Variants in TASP1 observed in about 807,000 individuals in gnomAD.
TASP1 encodes threonine aspartase 1.
TASP1 carries 16 observed loss-of-function variants against 56.6 expected under a neutral mutation model. The observed-to-expected ratio is 0.28, with a 90% CI of 0.19 to 0.43. The LOEUF is 0.43. TASP1 is among the 20% of genes least tolerant of loss of function. The pLI is 1.00. For missense variants in TASP1, 393 were observed against 511.6 expected, an observed-to-expected ratio of 0.77 and a Z score of 2.24; for synonymous variants, 179 against 184.2, an observed-to-expected ratio of 0.97 and a Z score of 0.23.
chr20:13,425,688 T>C (rs972045387), intron 12 of TASP1, among the ~76,000 whole-genome samples: 1 of 152,200 alleles, frequency 6.6e-6, no homozygotes, highest in African/African-American at 2.4e-5. Context: ...TTACTCCTTA[T>C]TGAATAAAGA....
chr20:13,601,773 G>A (rs542276537), intron 4 of TASP1, among the ~76,000 whole-genome samples: 245 of 151,178 alleles, frequency 1.6e-3, no homozygotes, highest in Admixed American at 2.8e-3. Flanking sequence ...CATCAACAGC[G>A]ATAAGTCATG....
intron 4 of TASP1, among the ~76,000 whole-genome samples, chr20:13,588,152 G>A (rs991812008): frequency 6.6e-6 from 1 of 151,456 alleles, no homozygotes. Context: ...CCTAAGATCA[G>A]GAACAAGACA....
At chr20:13,269,854 G>A in the TASP1 span, among the ~76,000 whole-genome samples, 1 of 152,066 alleles carries the variant, frequency 6.6e-6, no homozygotes, top group African/African-American at 2.4e-5. Context: ...TAGGTCTCAT[G>A]TCTATCCTGT....
At chr20:13,203,643 G>A in the TASP1 span, among the ~76,000 whole-genome samples, 2 of 152,198 alleles carry the variant, frequency 1.3e-5, no homozygotes, top group Non-Finnish European at 2.9e-5. Flanking sequence ...ATGGTCAATA[G>A]CTGCATTTTT....
chr20:13,271,254 C>T, the TASP1 span, among the ~76,000 whole-genome samples: 2 of 152,090 alleles, frequency 1.3e-5, no homozygotes, highest in Non-Finnish European at 2.9e-5. Flanking sequence ...GACAAGCTTC[C>T]GTTACTCTAA....
At chr20:13,224,960 C>T in the TASP1 span, among the ~76,000 whole-genome samples, 2 of 151,204 alleles carry the variant, frequency 1.3e-5, no homozygotes, top group African/African-American at 4.9e-5. Flanking sequence ...ATTCTCCTGC[C>T]TCAGCCTCCC....
At chr20:13,312,326 C>T in the TASP1 span, among the ~76,000 whole-genome samples, 1 of 152,110 alleles carries the variant, frequency 6.6e-6, no homozygotes, top group African/African-American at 2.4e-5. Flanking sequence ...TGTATGTGGC[C>T]GTGATGGGTT....
chr20:13,163,833 C>T, the TASP1 span, among the ~76,000 whole-genome samples: 3 of 152,124 alleles, frequency 2.0e-5, no homozygotes, highest in Admixed American at 2.0e-4. Flanking sequence ...AAAACAGGCT[C>T]AGAAAGGTTA....
At chr20:13,349,852 G>A in the TASP1 span, among the ~76,000 whole-genome samples, 1 of 151,928 alleles carries the variant, frequency 6.6e-6, no homozygotes, top group Non-Finnish European at 1.5e-5. Context: ...AAAATAATAC[G>A]GTTTAAAAAT....
At chr20:13,421,973 A>ATTT (rs2042453461) in intron 12 of TASP1, among the ~76,000 whole-genome samples, 1 of 116,116 alleles carries the variant, frequency 8.6e-6, no homozygotes, top group African/African-American at 3.9e-5. Context: ...TTTTTTTTTG[A>ATTT]CAGAGTCTCG....
At chr20:13,127,232 C>T in the TASP1 span, among the ~76,000 whole-genome samples, 1 of 152,222 alleles carries the variant, frequency 6.6e-6, no homozygotes, top group Non-Finnish European at 1.5e-5. Flanking sequence ...AACTGTGCTA[C>T]TTTGCTCAAC....
the TASP1 span, among the ~76,000 whole-genome samples, chr20:13,256,410 A>G: frequency 6.6e-6 from 1 of 151,648 alleles, no homozygotes; most frequent in East Asian, 1.9e-4. Context: ...AAAAAAAAAA[A>G]AAAAAAAAGA....
At chr20:13,392,481 C>T (rs182968829) in intron 13 of TASP1, among the ~76,000 whole-genome samples, 112 of 152,334 alleles carry the variant, frequency 7.4e-4, no homozygotes, top group Non-Finnish European at 7.3e-4. Flanking sequence ...AGCTTTGTTA[C>T]ATACATCTCA....
chr20:13,106,697 G>T, the TASP1 span, among the ~76,000 whole-genome samples: 1 of 152,196 alleles, frequency 6.6e-6, no homozygotes, highest in Non-Finnish European at 1.5e-5. Flanking sequence ...GGCTGCAGGT[G>T]AGCTGGGGTA....
intron 8 of TASP1, among the ~76,000 whole-genome samples, chr20:13,552,167 GTAT>G (rs1340889404): frequency 2.6e-5 from 4 of 152,152 alleles, no homozygotes; most frequent in Non-Finnish European, 5.9e-5. Context: ...AATTACCATG[GTAT>G]TATTAACTCT....
intron 6 of TASP1, among the ~76,000 whole-genome samples, chr20:13,569,947 G>A (rs1485043286): frequency 1.3e-5 from 2 of 152,096 alleles, no homozygotes; most frequent in Non-Finnish European, 2.9e-5. Flanking sequence ...CAAATTAACA[G>A]TTTACAATTA....
At chr20:13,496,301 C>T (rs930693947) in intron 10 of TASP1, among the ~76,000 whole-genome samples, 4 of 152,096 alleles carry the variant, frequency 2.6e-5, no homozygotes, top group African/African-American at 7.2e-5. Flanking sequence ...GTGATCCACC[C>T]GCCTTGGCCT....
chr20:13,282,670 C>T, the TASP1 span, among the ~76,000 whole-genome samples: 1 of 152,180 alleles, frequency 6.6e-6, no homozygotes, highest in Admixed American at 6.5e-5. Flanking sequence ...AGTATCTTCC[C>T]CATCATTAGA....
intron 11 of TASP1, among the ~76,000 whole-genome samples, chr20:13,453,985 G>A (rs2043729461): frequency 6.6e-6 from 1 of 151,768 alleles, no homozygotes; most frequent in Admixed American, 6.6e-5. Context: ...GATGAAGGTT[G>A]GAAAGAAGGA....
Sources: gnomAD v4.1 joint callset for allele counts (sites outside exome capture counted in the v4.1 genomes callset) on GRCh38, gnomAD v4.1.1 for gene constraint, MANE v1.5 for transcripts, NCBI Gene and HGNC (gene_info 2026-07-23, HGNC 2026-07-21) for gene names.